The following PTPRN2 variants were observed in gnomAD, a reference collection of about 807,000 sequenced individuals.
PTPRN2 encodes protein tyrosine phosphatase receptor type N2.
Under a neutral mutation model 118.8 loss-of-function variants are expected in PTPRN2, and 74 were observed. The observed-to-expected ratio is 0.62, with a 90% CI of 0.52 to 0.76. The LOEUF is 0.76. PTPRN2 is among the 30% of genes least tolerant of loss of function. The probability of loss-of-function intolerance (pLI) is 0.00; values close to 1 mark genes in which losing one functional copy is unlikely to be tolerated. For missense variants in PTPRN2, 1,481 were observed against 1,394.4 expected, an observed-to-expected ratio of 1.06 and a Z score of -0.99; for synonymous variants, 641 against 608.0, an observed-to-expected ratio of 1.05 and a Z score of -0.80.
intron 12 of PTPRN2, among the ~76,000 whole-genome samples, chr7:157,847,472 G>A (rs569566336): frequency 3.6e-4 from 52 of 144,750 alleles, no homozygotes; most frequent in African/African-American, 9.9e-4. Context: ...TCCATCATGC[G>A]TGCCCGATGT....
At chr7:158,132,038 TAC>T (rs778466774) in intron 9 of PTPRN2, among the ~76,000 whole-genome samples, 2 of 144,932 alleles carry the variant, frequency 1.4e-5, no homozygotes, top group African/African-American at 2.6e-5. Flanking sequence ...TATACACTCA[TAC>T]ACACACAAAT....
At chr7:157,873,703 G>A (rs1795529655) in intron 12 of PTPRN2, among the ~76,000 whole-genome samples, 1 of 151,638 alleles carries the variant, frequency 6.6e-6, no homozygotes, top group Admixed American at 6.6e-5. Context: ...GCCGGGAGGA[G>A]AACGTACTGT....
At chr7:157,817,803 CTGTG>C (rs1806511073) in intron 12 of PTPRN2, among the ~76,000 whole-genome samples, 1 of 151,812 alleles carries the variant, frequency 6.6e-6, no homozygotes, top group South Asian at 2.1e-4. Context: ...GTGTACATGT[CTGTG>C]TATGTGTGCA....
chr7:157,930,638 C>G (rs1041427780), intron 11 of PTPRN2, among the ~76,000 whole-genome samples: 4 of 152,172 alleles, frequency 2.6e-5, no homozygotes, highest in African/African-American at 9.7e-5. Flanking sequence ...GAGGTGGTGC[C>G]TGAAATCCCT....
chr7:158,390,053 C>T (rs1450505390), intron 2 of PTPRN2, among the ~76,000 whole-genome samples: 2 of 152,242 alleles, frequency 1.3e-5, no homozygotes, highest in Non-Finnish European at 2.9e-5. Context: ...GCCTCTCAAA[C>T]GTCTACACGA....
chr7:157,775,741 G>A (rs1465985621), intron 12 of PTPRN2, among the ~76,000 whole-genome samples: 3 of 152,126 alleles, frequency 2.0e-5, no homozygotes, highest in African/African-American at 4.8e-5. Flanking sequence ...GGCATCCAGG[G>A]TTTCCTGCCC....
rs1237034808 is a variant in PTPRN2, at chr7:157,801,749, T to G, written c.1788+96924A>C. ...GGCTGCTGAATGCCTCCACCGAGGGTTCTGGGAAGGAAAACGCCCGCTTAG... is the reference window on the plus strand; with the variant it reads ...GGCTGCTGAATGCCTCCACCGAGGGGTCTGGGAAGGAAAACGCCCGCTTAG... On this transcript the variant is annotated intron_variant, in intron 12 of 22. Coordinates refer to ENST00000389418, the MANE Select transcript of PTPRN2 (RefSeq NM_002847.5). The surrounding 1 kb of genome is among the most constrained non-coding windows in gnomAD (Gnocchi z 4.2). Among the ~76,000 whole-genome samples, 2 of 151,402 alleles carry G rather than the reference T, an allele frequency of 1.3e-5. No homozygotes were observed. Among genetic ancestry groups the G allele is most frequent in the African/African-American group, 4.9e-5 (2 of 41,158 alleles).
intron 12 of PTPRN2, among the ~76,000 whole-genome samples, chr7:157,722,799 G>C (rs1381382235): frequency 1.3e-5 from 2 of 152,062 alleles, no homozygotes; most frequent in Non-Finnish European, 2.9e-5. Flanking sequence ...AGGCAAGGGA[G>C]AAGGCAGGGG....
At chr7:158,058,951 C>T (rs1384433708) in intron 11 of PTPRN2, among the ~76,000 whole-genome samples, 7 of 102,338 alleles carry the variant, frequency 6.8e-5, no homozygotes, top group African/African-American at 2.0e-4. Context: ...CATCTGCACA[C>T]GGTGACACAT....
rs558155349 is a variant in PTPRN2, at chr7:158,410,181, CCT to C, written c.163+79552_163+79553del. ...CCATGTCTGAGCCACCTCCCCAAAC[CCT>C]CTCTGCCTTCAAGCATCTGACAAGC... On this transcript the variant is annotated intron_variant, in intron 2 of 22. Transcript: ENST00000389418. Among the ~76,000 whole-genome samples, 314 of 152,304 alleles carry C rather than the reference CCT, an allele frequency of 2.1e-3. 5 individuals are homozygous for C. Among genetic ancestry groups the C allele is most frequent in the South Asian group, 8.7e-3 (42 of 4,818 alleles).
rs865792363 is a variant in PTPRN2, at chr7:158,521,580, G to A, written c.113-31795C>T. 2.3e-3 allele frequency among the ~76,000 whole-genome samples: 312 copies of A among 133,144 alleles called. 68 individuals carry two copies. The highest frequency in any genetic ancestry group is 3.7e-3 in the Admixed American group (49 of 13,104). 87.3% of individuals were successfully genotyped at this position (133,144 alleles called of 152,430 possible). ...ACTGTCCAGGTACTGGCTCAGGGGG[G>A]AGGTCCACGTCACAATGGTGGACTG... On this transcript the variant is annotated intron_variant, in intron 1 of 22. Coordinates refer to ENST00000389418, the MANE Select transcript of PTPRN2 (RefSeq NM_002847.5).
chr7:157,850,261 CTCCAAATT>C (rs1312548522), intron 12 of PTPRN2, among the ~76,000 whole-genome samples: 1 of 145,790 alleles, frequency 6.9e-6, no homozygotes, highest in African/African-American at 2.4e-5. Flanking sequence ...GATCCCAGGT[CTCCAAATT>C]TCCGACATGG....
Position 158,058,477 on chromosome 7 carries a change from G to A in PTPRN2, c.1723+22821C>T, listed in dbSNP as rs867759230. On this transcript the variant is annotated intron_variant, in intron 11 of 22. Coordinates refer to ENST00000389418, the MANE Select transcript of PTPRN2 (RefSeq NM_002847.5). The stretch of plus-strand genomic sequence containing the variant: ...CCACACTCCATCTGCACACAGTGAC[G>A]CATCACTGCAGCCACACTCCATCTG... Among the ~76,000 whole-genome samples the A allele has an allele frequency of 2.3e-3, 80 of 34,244 alleles. 1 individual carries two copies. Among genetic ancestry groups the A allele is most frequent in the African/African-American group, 6.0e-3 (40 of 6,624 alleles). The allele number at this position is 34,244 out of a possible 152,430, so 22.5% of individuals were successfully genotyped here. A position where few individuals can be genotyped will look rare whatever the true frequency, so the allele number is the denominator to read the frequency against.
chr7:158,201,211 C>T (rs536085685), intron 4 of PTPRN2, among the ~76,000 whole-genome samples: 44 of 152,006 alleles, frequency 2.9e-4, no homozygotes, highest in African/African-American at 1.0e-3. Flanking sequence ...CTAAAGAAAA[C>T]GTACGTTTAC....
In PTPRN2 at chr7:157,583,883, A is replaced by AACACACACAC. The variant is rs35071475; in HGVS notation, c.2497-5753_2497-5744dup. On this transcript the variant is annotated intron_variant, in intron 17 of 22. Coordinates refer to ENST00000389418, the MANE Select transcript of PTPRN2 (RefSeq NM_002847.5). The surrounding 1 kb of genome is among the most constrained non-coding windows in gnomAD (Gnocchi z 5.5). The stretch of plus-strand genomic sequence containing the variant: ...GGTGACAGAGCGAGACTCTGTCTCA[A>AACACACACAC]ACACACACACACACACACACACACA... 1.2e-4 allele frequency among the ~76,000 whole-genome samples: 16 copies of AACACACACAC among 134,262 alleles called. No individual in the cohort carries two copies. The highest frequency in any genetic ancestry group is 2.7e-4 in the South Asian group (1 of 3,746). 88.1% of individuals were successfully genotyped at this position (134,262 alleles called of 152,430 possible). A position where few individuals can be genotyped will look rare whatever the true frequency, so the allele number is the denominator to read the frequency against.
At chr7:158,329,214 G>A (rs567021721) in intron 2 of PTPRN2, among the ~76,000 whole-genome samples, 23 of 152,326 alleles carry the variant, frequency 1.5e-4, no homozygotes, top group Non-Finnish European at 2.6e-4. Context: ...GAAGCGTGGC[G>A]GGTGGGAGGC....
chr7:158,262,598 A>G (rs530135325), intron 3 of PTPRN2, among the ~76,000 whole-genome samples: 2 of 149,432 alleles, frequency 1.3e-5, no homozygotes, highest in African/African-American at 4.9e-5. Flanking sequence ...ATTCACACAC[A>G]TTCACACACA....
chr7:158,418,773 A>G (rs1178521334), intron 2 of PTPRN2, among the ~76,000 whole-genome samples: 1 of 144,442 alleles, frequency 6.9e-6, no homozygotes, highest in East Asian at 2.2e-4. Context: ...TCAGTGTCCC[A>G]CTGTGTTAAG....
chr7:158,513,055 T>C (rs1402242110), intron 1 of PTPRN2, among the ~76,000 whole-genome samples: 2 of 152,148 alleles, frequency 1.3e-5, no homozygotes, highest in Non-Finnish European at 2.9e-5. Flanking sequence ...GTTTACACTG[T>C]GCCTTCCCTC....
Sources: allele counts gnomAD v4.1 joint callset (sites outside exome capture counted in the v4.1 genomes callset), GRCh38; gene constraint gnomAD v4.1.1; non-coding constraint Gnocchi (gnomAD v3.1); transcripts MANE v1.5; gene names NCBI Gene and HGNC (gene_info 2026-07-23, HGNC 2026-07-21).